The following DSTYK variants were observed in gnomAD, a reference collection of about 807,000 sequenced individuals.
DSTYK encodes dual serine/threonine and tyrosine protein kinase.
In DSTYK, 34 loss-of-function variants were observed where a neutral mutation model predicts 98.7. The observed-to-expected ratio is 0.34, with a 90% CI of 0.26 to 0.46. The LOEUF (loss-of-function observed/expected upper bound fraction) is 0.46. DSTYK is among the 20% of genes least tolerant of loss of function. DSTYK has a pLI of 1.00. For synonymous variants in DSTYK, 462 were observed against 457.3 expected (o/e 1.01, Z -0.13); for missense variants, 962 against 1,181.7 (o/e 0.81, Z 2.73).
rs1291025702 is a variant in DSTYK at position 205,169,842 on chromosome 1, G to T, written c.655-10C>A. On this transcript the variant is annotated splice_polypyrimidine_tract_variant and intron_variant, in intron 2 of 12. Coordinates refer to ENST00000367162, the MANE Select transcript of DSTYK (RefSeq NM_015375.3). The surrounding 1 kb of genome is among the most constrained non-coding windows in gnomAD (Gnocchi z 4.0). ...CCACAACGTCCACTTCCTGGAAGGG[G>T]AAGGGGGTCATATATCAGCGCCTCA... is the stretch of plus-strand genomic sequence containing the variant. 4 of 1,603,106 alleles carry T rather than the reference G, an allele frequency of 2.5e-6. No homozygotes were observed. Among genetic ancestry groups the T allele is most frequent in the Admixed American group, 3.4e-5 (2 of 58,958 alleles).
intron 10 of DSTYK, among the ~76,000 whole-genome samples, chr1:205,153,032 C>T (rs1197892002): frequency 6.6e-6 from 1 of 152,168 alleles, no homozygotes; most frequent in Admixed American, 6.5e-5. Flanking sequence ...CTCCTGACCC[C>T]AGGGCAGAAA....
At chr1:205,154,083 G>A (rs931739032) in intron 10 of DSTYK, among the ~76,000 whole-genome samples, 1 of 150,984 alleles carries the variant, frequency 6.6e-6, no homozygotes, top group Non-Finnish European at 1.5e-5. Flanking sequence ...GTGTGTGTGT[G>A]TGCATGTATA....
At chr1:205,190,270 C>A (rs1431953948) in intron 1 of DSTYK, among the ~76,000 whole-genome samples, 1 of 152,092 alleles carries the variant, frequency 6.6e-6, no homozygotes, top group African/African-American at 2.4e-5. Flanking sequence ...AGTCCAGTAT[C>A]ATGATGAATA....
intron 5 of DSTYK, among the ~76,000 whole-genome samples, 176 bp from the exon 6 acceptor site, chr1:205,162,388 C>T (rs988339968): frequency 3.9e-5 from 6 of 152,316 alleles, no homozygotes; most frequent in South Asian, 2.1e-4. Flanking sequence ...CAGGTCCTAG[C>T]CCAGAGAAAA....
chr1:205,207,000 G>A (rs1426759623), intron 1 of DSTYK, among the ~76,000 whole-genome samples: 1 of 151,868 alleles, frequency 6.6e-6, no homozygotes, highest in Non-Finnish European at 1.5e-5. Flanking sequence ...CATTTGGTTA[G>A]TAAGAGGTGA....
chr1:205,192,704 A>C (rs1258336127), intron 1 of DSTYK, among the ~76,000 whole-genome samples: 3 of 152,002 alleles, frequency 2.0e-5, no homozygotes, highest in African/African-American at 7.3e-5. Flanking sequence ...TCTACTAGAA[A>C]TATAAAAACT....
rs77049496 is a variant in DSTYK, at chr1:205,177,845, A to C, written c.655-8013T>G. ...TCGTGCCACTGCGCTCCAGCCTGGG[A>C]GACAGAGCGAGACTTCATCTCAAAA... is the stretch of plus-strand genomic sequence containing the variant. On this transcript the variant is annotated intron_variant, in intron 2 of 12. Coordinates refer to ENST00000367162, the MANE Select transcript of DSTYK (RefSeq NM_015375.3). Among the ~76,000 whole-genome samples the C allele has an allele frequency of 1.4e-4, 21 of 151,392 alleles. No individual in the cohort carries two copies. In the South Asian group the frequency reaches 4.4e-3, roughly 32 times the overall value.
At chr1:205,205,237 G>A (rs1027484502) in intron 1 of DSTYK, among the ~76,000 whole-genome samples, 3 of 151,968 alleles carry the variant, frequency 2.0e-5, no homozygotes, top group Middle Eastern at 3.2e-3. Flanking sequence ...CCCAGTCTCA[G>A]CACTGCTGTC....
intron 10 of DSTYK, among the ~76,000 whole-genome samples, chr1:205,154,612 T>G (rs1261925645): frequency 6.6e-6 from 1 of 152,120 alleles, no homozygotes; most frequent in Admixed American, 6.5e-5. Context: ...ACTAACACAG[T>G]AAATTGTACC....
intron 3 of DSTYK, among the ~76,000 whole-genome samples, chr1:205,164,400 C>T (rs1657824323): frequency 1.3e-5 from 2 of 151,132 alleles, no homozygotes; most frequent in South Asian, 4.2e-4. Flanking sequence ...GAGTGAGACC[C>T]CGTCTCAAAA....
At chr1:205,184,725 A>G (rs1658516068) in intron 2 of DSTYK, among the ~76,000 whole-genome samples, 1 of 152,156 alleles carries the variant, frequency 6.6e-6, no homozygotes, top group South Asian at 2.1e-4. Context: ...GGATCACTTG[A>G]TCCCCCAACC....
chr1:205,159,018 G>A (rs567715289), intron 9 of DSTYK, among the ~76,000 whole-genome samples: 2 of 152,302 alleles, frequency 1.3e-5, no homozygotes, highest in African/African-American at 2.4e-5. Flanking sequence ...CACCACAGGG[G>A]TCTGAGTGGT....
At position 205,148,365 on chromosome 1, in the gene DSTYK, A is replaced by G. The variant is rs1367395334; in HGVS notation, c.2468-26T>C. 4.3e-6 allele frequency: 7 copies of G among 1,611,214 alleles called. No homozygotes were observed. The Admixed American group carries it at 6.7e-5, about 15-fold the overall frequency. On this transcript the variant is annotated intron_variant, in intron 11 of 12. Coordinates refer to ENST00000367162, the MANE Select transcript of DSTYK (RefSeq NM_015375.3). ...CTGATGGCAAGAAAGGATGAAACGT[A>G]ATGAGCCACAGAGAGTCAGGCAGCA... is the stretch of plus-strand genomic sequence containing the variant.
chr1:205,201,166 A>G (rs1309369657), intron 1 of DSTYK, among the ~76,000 whole-genome samples: 1 of 152,120 alleles, frequency 6.6e-6, no homozygotes, highest in Non-Finnish European at 1.5e-5. Context: ...TGGCCTCCCA[A>G]AGTGCTGGGA....
chr1:205,193,387 A>C (rs1658769062), intron 1 of DSTYK, among the ~76,000 whole-genome samples: 1 of 152,176 alleles, frequency 6.6e-6, no homozygotes, highest in Non-Finnish European at 1.5e-5. Flanking sequence ...TTTCCATCCC[A>C]TCAGGCTCAG....
intron 1 of DSTYK, among the ~76,000 whole-genome samples, chr1:205,190,606 A>G (rs1464399316): frequency 1.7e-5 from 2 of 116,304 alleles, no homozygotes; most frequent in Non-Finnish European, 3.3e-5. Context: ...ACAGAGCGAG[A>G]CTCCATCTCA....
In DSTYK at chr1:205,211,314, C is replaced by T; in HGVS notation, c.222G>A (p.Glu74=). 1 of 1,610,354 alleles carries T rather than the reference C, an allele frequency of 6.2e-7. No homozygotes were observed. The highest frequency in any genetic ancestry group is 8.5e-7 in the Non-Finnish European group (1 of 1,178,658). The part of the protein sequence containing the change: ...LSSLTGGGGA[E]RGPAGDVAET... ...CGGCGACATCGCCTGCAGGGCCGCG[C>T]TCGGCCCCGCCGCCGCCCGTGAGGG... The change falls in exon 1 of 13, where the codon GAG becomes GAA. Residue 74 remains glutamate (E), a synonymous_variant. Coordinates refer to ENST00000367162, the MANE Select transcript of DSTYK (RefSeq NM_015375.3).
chr1:205,209,074 G>A (rs1426945998), intron 1 of DSTYK, among the ~76,000 whole-genome samples: 1 of 152,204 alleles, frequency 6.6e-6, no homozygotes, highest in Non-Finnish European at 1.5e-5. Context: ...TCATGATGCA[G>A]TCAACTGGAA....
chr1:205,169,825 T>A lies in DSTYK; in HGVS notation c.662A>T (p.Asp221Val). 6.2e-7 allele frequency: 1 copy of A among 1,609,428 alleles called. No individual in the cohort carries two copies. The highest frequency in any genetic ancestry group is 1.1e-5 in the South Asian group (1 of 90,800). The change falls in exon 3 of 13, where the codon GAC becomes GTC. Residue 221 changes from aspartate to valine, a missense_variant. By Grantham distance (152) the Asp-to-Val change is radical (BLOSUM62 -3). Transcript: ENST00000367162. This position sits in a 1 kb window ranked among gnomAD's most constrained non-coding sequence, Gnocchi z 4.0. ...GCCTTGGCATGGTGCTACCACAACG[T>A]CCACTTCCTGGAAGGGGAAGGGGGT... The part of the protein sequence containing the change: ...TMHHALLQEV[D>V]VVVAPCQGLR...
Sources: gnomAD v4.1 joint callset for allele counts (sites outside exome capture counted in the v4.1 genomes callset) on GRCh38, gnomAD v4.1.1 for gene constraint, Gnocchi (gnomAD v3.1) non-coding constraint, MANE v1.5 for transcripts, NCBI Gene and HGNC (gene_info 2026-07-23, HGNC 2026-07-21) for gene names.